The following ZNF408 variants were observed in gnomAD, a reference collection of about 807,000 sequenced individuals.
ZNF408 encodes zinc finger protein 408, also known as PR domain zinc finger protein 17.
A neutral mutation model predicts 27.6 loss-of-function variants in ZNF408; 24 were observed. The ratio of observed to expected loss-of-function variants is 0.87; its 90% CI spans 0.63 to 1.22. The LOEUF (loss-of-function observed/expected upper bound fraction) is 1.22. Among genes scored for constraint, ZNF408 ranks in the 50% most tolerant of loss-of-function variants. The probability of loss-of-function intolerance (pLI) is 0.00; values close to 1 mark genes in which losing one functional copy is unlikely to be tolerated. For missense variants in ZNF408, 897 were observed against 949.0 expected (o/e 0.95, Z 0.72); for synonymous variants, 410 against 396.1 (o/e 1.04, Z -0.42).
In ZNF408 at chr11:46,702,743, G is replaced by C. The variant is rs1284031600; in HGVS notation, c.370G>C (p.Glu124Gln). The C allele has an allele frequency of 6.2e-7, 1 of 1,614,250 alleles. No homozygotes were observed. The highest frequency in any genetic ancestry group is 8.5e-7 in the Non-Finnish European group (1 of 1,180,046). The change falls in exon 3 of 5, where the codon GAG (glutamate) becomes CAG (glutamine). Residue 124 changes from glutamate (E) to glutamine (Q), a missense_variant. By Grantham distance (29) the Glu-to-Gln change is conservative (BLOSUM62 2). Transcript: ENST00000311764. Reference protein sequence around the residue: ...LGPWGDVCACEQSSGWTSLVQ... With the variant: ...LGPWGDVCACQQSSGWTSLVQ... ...CCCATGGGGAGACGTGTGTGCCTGTGAGCAGAGTTCTGGCTGGACTAGGTA... is the reference window on the plus strand; with the variant it reads ...CCCATGGGGAGACGTGTGTGCCTGTCAGCAGAGTTCTGGCTGGACTAGGTA...
Position 46,701,092 on chromosome 11 carries a change from G to A in ZNF408, c.45G>A (p.Leu15=), listed in dbSNP as rs749612098. ...EELLLEGKKA[L]QLAREPRLGL... is the part of the protein sequence containing the mutation. ...TGCTCTTGGAGGGGAAGAAGGCGCT[G>A]CAACTCGGTGAGTGACCTGCGATGT... is the stretch of plus-strand genomic sequence containing the variant. Residue 15 remains leucine, a synonymous_variant, in exon 1 of 5, where the codon CTG becomes CTA. Transcript: ENST00000311764. 24 of 1,614,048 alleles carry A rather than the reference G, an allele frequency of 1.5e-5. No homozygotes were observed. The highest frequency in any genetic ancestry group is 1.7e-5 in the Non-Finnish European group (20 of 1,180,034).
chr11:46,704,211 A>G, intron 4 of ZNF408, 142 bp from the exon 5 acceptor site: 1 of 856,014 alleles, frequency 1.2e-6, no homozygotes, highest in Non-Finnish European at 1.8e-6. Context: ...TGTGCACCCC[A>G]TGCTCCAGGG....
At position 46,703,079 on chromosome 11, in the gene ZNF408, C is replaced by T; in HGVS notation, c.488C>T (p.Pro163Leu). 1 of 1,613,554 alleles carries T rather than the reference C, an allele frequency of 6.2e-7. No individual in the cohort carries two copies. The highest frequency in any genetic ancestry group is 8.5e-7 in the Non-Finnish European group (1 of 1,179,752). ...LHLQVYQLVL[P>L]GSELLLWPQP... Reference sequence around the variant, plus strand: ...CTGCAAGTGTACCAGCTGGTGCTGCCAGGCTCTGAACTGCTGCTGTGGCCC... The same window carrying T: ...CTGCAAGTGTACCAGCTGGTGCTGCTAGGCTCTGAACTGCTGCTGTGGCCC... Residue 163 changes from proline (P) to leucine (L), a missense_variant, in exon 4 of 5, where the codon CCA (proline) becomes CTA (leucine). Pro to Leu is a moderately conservative substitution (Grantham distance 98). Coordinates refer to ENST00000311764, the MANE Select transcript of ZNF408 (RefSeq NM_024741.3).
Position 46,705,076 on chromosome 11 carries a change from A to G in ZNF408, c.1376A>G (p.His459Arg). Residue 459 changes from histidine to arginine, a missense_variant, in exon 5 of 5, where the codon CAC becomes CGC. His to Arg is a conservative substitution (Grantham distance 29, BLOSUM62 0). Coordinates refer to ENST00000311764, the MANE Select transcript of ZNF408 (RefSeq NM_024741.3). The surrounding 1 kb of genome is among the most constrained non-coding windows in gnomAD (Gnocchi z 6.5). ...TCCCTGCGGCTGCATCGCAAGACCC[A>G]CCAGGTGCCAGCTGCCCCTGCCCCT... ...RPSLRLHRKTHQVPAAPAPCP... is the reference protein window; with the variant it reads ...RPSLRLHRKTRQVPAAPAPCP... 6.2e-7 allele frequency: 1 copy of G among 1,612,614 alleles called. No homozygotes were observed. The highest frequency in any genetic ancestry group is 8.5e-7 in the Non-Finnish European group (1 of 1,179,952).
At chr11:46,703,955 C>G (rs1032137853) in intron 4 of ZNF408, among the ~76,000 whole-genome samples, 2 of 151,786 alleles carry the variant, frequency 1.3e-5, no homozygotes, top group African/African-American at 4.8e-5. Flanking sequence ...TGGTCTCGAA[C>G]TCCTGGCCTC....
chr11:46,702,283 CAG>C (rs1344652540), intron 2 of ZNF408, among the ~76,000 whole-genome samples: 1 of 152,114 alleles, frequency 6.6e-6, no homozygotes, highest in East Asian at 1.9e-4. Flanking sequence ...TTAGTAGAGA[CAG>C]GGTTTCACCA....
chr11:46,703,288 A>G (rs2134507934), intron 4 of ZNF408, 45 bp downstream of exon 4: 1 of 1,575,082 alleles, frequency 6.3e-7, no homozygotes, highest in East Asian at 2.3e-5. Flanking sequence ...TTCCCCACCA[A>G]AACAACCTGT....
At position 46,705,056 on chromosome 11, in the gene ZNF408, G is replaced by A. The variant is rs745551013; in HGVS notation, c.1356G>A (p.Leu452=). 6.2e-6 allele frequency: 10 copies of A among 1,612,912 alleles called. No homozygotes were observed. Among genetic ancestry groups the A allele is most frequent in the Non-Finnish European group, 8.5e-6 (10 of 1,179,970 alleles). ...CGKAFARRPS[L]RLHRKTHQVP... is the part of the protein sequence containing the mutation. ...AGGCCTTTGCCCGCCGGCCCTCCCT[G>A]CGGCTGCATCGCAAGACCCACCAGG... The change falls in exon 5 of 5, where the codon CTG becomes CTA. Residue 452 remains leucine (L), a synonymous_variant. Transcript: ENST00000311764. This position sits in a 1 kb window ranked among gnomAD's most constrained non-coding sequence, Gnocchi z 6.5.
chr11:46,703,761 G>GTT (rs1489418102), intron 4 of ZNF408, among the ~76,000 whole-genome samples: 10 of 80,176 alleles, frequency 1.2e-4, no homozygotes, highest in African/African-American at 3.8e-4. Flanking sequence ...TGTTGTTGTT[G>GTT]TTGTTGTTGT....
chr11:46,705,124 G>T lies in ZNF408; in HGVS notation c.1424G>T (p.Arg475Leu). ...CCTTGCCCATGCCCTGTGTGTGGGC[G>T]GCCCCTGGCCAACCAGGGCTCCCTG... ...PAPCPCPVCG[R>L]PLANQGSLRN... Residue 475 changes from arginine to leucine, a missense_variant, in exon 5 of 5, where the codon CGG becomes CTG. Physicochemically the swap from Arg to Leu is moderately radical, Grantham distance 102. Transcript: ENST00000311764. This position sits in a 1 kb window ranked among gnomAD's most constrained non-coding sequence, Gnocchi z 6.5. 2 of 1,611,516 alleles carry T rather than the reference G, an allele frequency of 1.2e-6. No homozygotes were observed.
intron 1 of ZNF408, 78 bp downstream of exon 1, chr11:46,701,177 G>C: frequency 6.2e-7 from 1 of 1,610,982 alleles, no homozygotes; most frequent in Non-Finnish European, 8.5e-7. Flanking sequence ...TTTCTCCTCA[G>C]TCTTCTCTCC....
rs1776694582 is a variant in ZNF408, at chr11:46,704,510, G to A, written c.810G>A (p.Gln270=). ...DVDEECPAQA[Q]MPPELQSNSA... ...ATGAGGAATGCCCGGCCCAGGCACAGATGCCACCTGAACTTCAGAGCAATT... is the reference window on the plus strand; with the variant it reads ...ATGAGGAATGCCCGGCCCAGGCACAAATGCCACCTGAACTTCAGAGCAATT... Residue 270 remains glutamine, a synonymous_variant, in exon 5 of 5, where the codon CAG becomes CAA. Coordinates refer to ENST00000311764, the MANE Select transcript of ZNF408 (RefSeq NM_024741.3). The A allele has an allele frequency of 6.2e-7, 1 of 1,613,938 alleles. No homozygotes were observed. The highest frequency in any genetic ancestry group is 1.1e-5 in the South Asian group (1 of 91,094).
At position 46,701,111 on chromosome 11, in the gene ZNF408, G is replaced by A. The variant is rs768624195; in HGVS notation, c.52+12G>A. 12 of 1,613,988 alleles carry A rather than the reference G, an allele frequency of 7.4e-6. No homozygotes were observed. The highest frequency in any genetic ancestry group is 9.3e-6 in the Non-Finnish European group (11 of 1,180,016). ...GGCGCTGCAACTCGGTGAGTGACCT[G>A]CGATGTCCGCGACCCTCAACCTTGG... On this transcript the variant is annotated intron_variant, in intron 1 of 4. Coordinates refer to ENST00000311764, the MANE Select transcript of ZNF408 (RefSeq NM_024741.3).
In ZNF408 at chr11:46,705,695, G is replaced by A. The variant is rs367626242; in HGVS notation, c.1995G>A (p.Glu665=). ...AACTGCTGGACACACACAGAGAGGAGGAAGTCTCCCCCGCCAGGGATGTTG... is the reference window on the plus strand; with the variant it reads ...AACTGCTGGACACACACAGAGAGGAAGAAGTCTCCCCCGCCAGGGATGTTG... ...EPQLLDTHRE[E]EVSPARDVVE... is the part of the protein sequence containing the mutation. The change falls in exon 5 of 5, where the codon GAG becomes GAA. Residue 665 remains glutamate (E), a synonymous_variant. Coordinates refer to ENST00000311764, the MANE Select transcript of ZNF408 (RefSeq NM_024741.3). This position sits in a 1 kb window ranked among gnomAD's most constrained non-coding sequence, Gnocchi z 6.5. The A allele has an allele frequency of 5.6e-6, 9 of 1,613,680 alleles. No homozygotes were observed. Among genetic ancestry groups the A allele is most frequent in the African/African-American group, 1.3e-5 (1 of 74,914 alleles).
At chr11:46,701,182 C>G in intron 1 of ZNF408, 83 bp downstream of exon 1, 6 of 1,607,240 alleles carry the variant, frequency 3.7e-6, no homozygotes, top group Non-Finnish European at 4.3e-6. Flanking sequence ...CCTCAGTCTT[C>G]TCTCCTCCGG....
rs2064736929 is a variant in ZNF408 at position 46,704,658 on chromosome 11, G to C, written c.958G>C (p.Ala320Pro). ...CCCCAGTGATCAGTGCCCACCCAGA[G>C]CAAAGACCCCAGAGCCTGGAGCCCA... ...HSPSDQCPPRAKTPEPGAQQS... is the reference protein window; with the variant it reads ...HSPSDQCPPRPKTPEPGAQQS... The change falls in exon 5 of 5, where the codon GCA becomes CCA. Residue 320 changes from alanine to proline, a missense_variant. Coordinates refer to ENST00000311764, the MANE Select transcript of ZNF408 (RefSeq NM_024741.3). 7.4e-6 allele frequency: 12 copies of C among 1,613,698 alleles called. No individual in the cohort carries two copies. The highest frequency in any genetic ancestry group is 1.0e-5 in the Non-Finnish European group (12 of 1,179,992).
rs1480616553 is a variant in ZNF408 at position 46,703,770 on chromosome 11, G to GT, written c.652+542dup. Among the ~76,000 whole-genome samples the GT allele has an allele frequency of 2.1e-4, 20 of 93,836 alleles. 3 individuals are homozygous for GT. The highest frequency in any genetic ancestry group is 8.3e-4 in the South Asian group (2 of 2,416). The allele number at this position is 93,836 out of a possible 152,430, so 61.6% of individuals were successfully genotyped here. ...TGTTGTTGTTGTTGTTGTTGTTGTTGTTTTTTTTTTTTTTTGAGATGGAGT... is the reference window on the plus strand; with the variant it reads ...TGTTGTTGTTGTTGTTGTTGTTGTTGTTTTTTTTTTTTTTTTGAGATGGAGT... On this transcript the variant is annotated intron_variant, in intron 4 of 4. Transcript: ENST00000311764.
Position 46,705,196 on chromosome 11 carries a change from C to T in ZNF408, c.1496C>T (p.Pro499Leu), listed in dbSNP as rs771251935. ...LHTGEKPFLC[P>L]HCGRAFRQRG... ...ACAGGAGAAAAGCCTTTCCTGTGCC[C>T]GCACTGTGGCCGGGCGTTTCGTCAG... is the stretch of plus-strand genomic sequence containing the variant. Residue 499 changes from proline to leucine, a missense_variant, in exon 5 of 5, where the codon CCG (proline) becomes CTG (leucine). Transcript: ENST00000311764. The surrounding 1 kb of genome is among the most constrained non-coding windows in gnomAD (Gnocchi z 6.5). 3 of 1,611,720 alleles carry T rather than the reference C, an allele frequency of 1.9e-6. No homozygotes were observed. Among genetic ancestry groups the T allele is most frequent in the Non-Finnish European group, 2.5e-6 (3 of 1,179,920 alleles).
chr11:46,703,145 T>A lies in ZNF408; in HGVS notation c.554T>A (p.Leu185Gln). Residue 185 changes from leucine (L) to glutamine (Q), a missense_variant, in exon 4 of 5, where the codon CTG becomes CAG. Coordinates refer to ENST00000311764, the MANE Select transcript of ZNF408 (RefSeq NM_024741.3). Reference sequence around the variant, plus strand: ...GGCCCAAGTCTCACCCAGCCTGGGCTGGACAAAGAGGCAGCTGTAGCAGTG... The same window carrying A: ...GGCCCAAGTCTCACCCAGCCTGGGCAGGACAAAGAGGCAGCTGTAGCAGTG... The part of the protein sequence containing the change: ...SEGPSLTQPG[L>Q]DKEAAVAVVT... The A allele has an allele frequency of 6.2e-7, 1 of 1,612,658 alleles. No individual in the cohort carries two copies.
Sources: gnomAD v4.1 joint callset for allele counts (sites outside exome capture counted in the v4.1 genomes callset) on GRCh38, gnomAD v4.1.1 for gene constraint, Gnocchi (gnomAD v3.1) non-coding constraint, MANE v1.5 for transcripts, NCBI Gene and HGNC (gene_info 2026-07-23, HGNC 2026-07-21) for gene names.